Variants in KIAA0319L observed in about 807,000 individuals in gnomAD.
The protein encoded by KIAA0319L is KIAA0319 like, also known as dyslexia-associated protein KIAA0319-like protein.
Under a neutral mutation model 120.1 loss-of-function variants are expected in KIAA0319L, and 55 were observed. The ratio of observed to expected loss-of-function variants is 0.46; its 90% CI spans 0.37 to 0.57. The LOEUF is 0.57. Among genes scored for constraint, KIAA0319L ranks in the 20% least tolerant of loss-of-function variants. KIAA0319L has a pLI of 0.00. For synonymous variants in KIAA0319L, 398 were observed against 471.9 expected, an observed-to-expected ratio of 0.84 and a Z score of 2.03; for missense variants, 1,049 against 1,255.3, an observed-to-expected ratio of 0.84 and a Z score of 2.48.
At chr1:35,517,448 A>C (rs1645731458) in intron 2 of KIAA0319L, among the ~76,000 whole-genome samples, 1 of 152,204 alleles carries the variant, frequency 6.6e-6, no homozygotes, top group Non-Finnish European at 1.5e-5. Context: ...AGCTGACAAA[A>C]ACAAGCAATG....
At chr1:35,536,294 T>C (rs942259013) in intron 2 of KIAA0319L, among the ~76,000 whole-genome samples, 1 of 152,204 alleles carries the variant, frequency 6.6e-6, no homozygotes. Flanking sequence ...AACTCTAAAC[T>C]AGAAAATCCT....
At chr1:35,501,837 C>G (rs1223315119) in intron 3 of KIAA0319L, among the ~76,000 whole-genome samples, 1 of 146,450 alleles carries the variant, frequency 6.8e-6, no homozygotes, top group Non-Finnish European at 1.5e-5. Context: ...AAGATCGCAC[C>G]ATTGCACTCT....
intron 7 of KIAA0319L, among the ~76,000 whole-genome samples, chr1:35,465,891 T>C (rs1570700154): frequency 1.3e-5 from 2 of 152,198 alleles, no homozygotes; most frequent in South Asian, 2.1e-4. Flanking sequence ...TTTTTGCTTG[T>C]TGTCATCTAC....
Position 35,456,313 on chromosome 1 carries a change from A to T in KIAA0319L, c.1428-72T>A, listed in dbSNP as rs1312696672. 3.9e-6 allele frequency: 4 copies of T among 1,018,986 alleles called. No individual in the cohort carries two copies. In the Admixed American group the frequency reaches 1.0e-4, roughly 26 times the overall value. 63.1% of individuals were successfully genotyped at this position (1,018,986 alleles called of 1,614,324 possible). A position where few individuals can be genotyped will look rare whatever the true frequency, so the allele number is the denominator to read the frequency against. On this transcript the variant is annotated intron_variant, in intron 9 of 20. Coordinates refer to ENST00000325722, the MANE Select transcript of KIAA0319L (RefSeq NM_024874.5). ...AGAGGAATAAACACTAGAAGACTGA[A>T]AATTAAGGCTAAGAAATACCAATGT...
intron 4 of KIAA0319L, among the ~76,000 whole-genome samples, chr1:35,476,342 A>T (rs1558404368): frequency 6.6e-6 from 1 of 152,182 alleles, no homozygotes; most frequent in East Asian, 1.9e-4. Context: ...CGATTATATA[A>T]ATCTTATTTC....
Position 35,448,065 on chromosome 1 carries a change from G to C in KIAA0319L, c.2513+108C>G, listed in dbSNP as rs568113283. ...AGAAAAGGCAACATGAGTGTTTCTG[G>C]TCAGAAAGCCCACCTTTCTCTATCT... On this transcript the variant is annotated intron_variant, in intron 16 of 20. Transcript: ENST00000325722. The C allele has an allele frequency of 4.0e-5, 43 of 1,084,104 alleles. 1 individual carries two copies. The highest frequency in any genetic ancestry group is 5.2e-5 in the Non-Finnish European group (39 of 750,524). 67.2% of individuals were successfully genotyped at this position (1,084,104 alleles called of 1,614,324 possible). A position where few individuals can be genotyped will look rare whatever the true frequency, so the allele number is the denominator to read the frequency against.
intron 2 of KIAA0319L, among the ~76,000 whole-genome samples, chr1:35,551,257 C>T (rs1647187043): frequency 6.6e-6 from 1 of 152,086 alleles, no homozygotes; most frequent in African/African-American, 2.4e-5. Flanking sequence ...TGAGAACGAA[C>T]ATTTTAAATA....
chr1:35,524,373 G>A (rs780738498), intron 2 of KIAA0319L, among the ~76,000 whole-genome samples: 2 of 152,016 alleles, frequency 1.3e-5, no homozygotes, highest in Admixed American at 6.6e-5. Flanking sequence ...TACAATTATC[G>A]GGGTATAAAA....
At position 35,456,006 on chromosome 1, in the gene KIAA0319L, C is replaced by A; in HGVS notation, c.1656+7G>T. The A allele has an allele frequency of 6.2e-7, 1 of 1,603,894 alleles. No homozygotes were observed. Among genetic ancestry groups the A allele is most frequent in the Non-Finnish European group, 8.5e-7 (1 of 1,172,204 alleles). The stretch of plus-strand genomic sequence containing the variant: ...GGCAAGAAAAAATAGGAACCATTCC[C>A]TCCTACCTGCATCTCCACCACTTTC... On this transcript the variant is annotated splice_region_variant and intron_variant, in intron 10 of 20. Transcript: ENST00000325722.
intron 5 of KIAA0319L, among the ~76,000 whole-genome samples, chr1:35,474,005 G>GTTTTC (rs1182110892): frequency 1.3e-5 from 2 of 152,058 alleles, no homozygotes; most frequent in Non-Finnish European, 2.9e-5. Flanking sequence ...TATTACAAAA[G>GTTTTC]TTTTCTTAAA....
Position 35,453,417 on chromosome 1 carries a change from T to G in KIAA0319L, c.1913+140A>C. On this transcript the variant is annotated intron_variant, in intron 12 of 20. Transcript: ENST00000325722. This position sits in a 1 kb window ranked among gnomAD's most constrained non-coding sequence, Gnocchi z 4.1. ...AATATCATTTTCTTGGAGTTGAAGTTTGGAATTGCAAACATTTCTTCCTCA... is the reference window on the plus strand; with the variant it reads ...AATATCATTTTCTTGGAGTTGAAGTGTGGAATTGCAAACATTTCTTCCTCA... The G allele has an allele frequency of 1.4e-6, 1 of 705,370 alleles. No homozygotes were observed. Among genetic ancestry groups the G allele is most frequent in the East Asian group, 2.6e-5 (1 of 38,618 alleles). 43.7% of individuals were successfully genotyped at this position (705,370 alleles called of 1,614,324 possible). A position where few individuals can be genotyped will look rare whatever the true frequency, so the allele number is the denominator to read the frequency against.
At chr1:35,522,284 A>G (rs1235935983) in intron 2 of KIAA0319L, among the ~76,000 whole-genome samples, 3 of 152,002 alleles carry the variant, frequency 2.0e-5, no homozygotes, top group Admixed American at 6.6e-5. Flanking sequence ...TTGTTTGTTT[A>G]TTTATTTATT....
intron 3 of KIAA0319L, among the ~76,000 whole-genome samples, chr1:35,500,115 TAGAG>T (rs769307813): frequency 6.6e-6 from 1 of 152,212 alleles, no homozygotes; most frequent in Non-Finnish European, 1.5e-5. Flanking sequence ...ACGATGCTGT[TAGAG>T]AGAACAACAC....
chr1:35,445,704 G>A (rs545769954), intron 16 of KIAA0319L, among the ~76,000 whole-genome samples: 3 of 152,194 alleles, frequency 2.0e-5, no homozygotes, highest in Non-Finnish European at 4.4e-5. Flanking sequence ...GCTAACACTA[G>A]TAGGGCAGGG....
chr1:35,442,294 A>C lies in KIAA0319L; in HGVS notation c.2822T>G (p.Val941Gly). 1 of 1,614,102 alleles carries C rather than the reference A, an allele frequency of 6.2e-7. No homozygotes were observed. Among genetic ancestry groups the C allele is most frequent in the Non-Finnish European group, 8.5e-7 (1 of 1,179,924 alleles). ...CCAAGACAGGATTCCCAAGGCAACA[A>C]CAATGACAAAGGTAGCAATGATAAC... ...LYVIIATFVI[V>G]VALGILSWTV... Residue 941 changes from valine (V) to glycine (G), a missense_variant, in exon 19 of 21, where the codon GTT becomes GGT. By Grantham distance (109) the Val-to-Gly change is moderately radical. Coordinates refer to ENST00000325722, the MANE Select transcript of KIAA0319L (RefSeq NM_024874.5).
At chr1:35,451,828 G>A (rs778607976) in intron 12 of KIAA0319L, 52 bp from the exon 13 acceptor site, 4 of 1,578,100 alleles carry the variant, frequency 2.5e-6, no homozygotes, top group Non-Finnish European at 3.5e-6. Flanking sequence ...CTGCTGTCCT[G>A]TCCCTAACTT....
intron 9 of KIAA0319L, among the ~76,000 whole-genome samples, chr1:35,457,123 G>A (rs1642526857): frequency 6.6e-6 from 1 of 152,160 alleles, no homozygotes; most frequent in Non-Finnish European, 1.5e-5. Flanking sequence ...CAACCATATA[G>A]AGTAGGCATC....
rs376695320 is a variant in KIAA0319L, at chr1:35,456,273, G to T, written c.1428-32C>A. ...GGGCAGAGAGAGGAGTGTGATCAGGGACGGGTTTAAGGAAAGAGGAATAAA... is the reference window on the plus strand; with the variant it reads ...GGGCAGAGAGAGGAGTGTGATCAGGTACGGGTTTAAGGAAAGAGGAATAAA... On this transcript the variant is annotated intron_variant, in intron 9 of 20. Coordinates refer to ENST00000325722, the MANE Select transcript of KIAA0319L (RefSeq NM_024874.5). 2.8e-6 allele frequency: 4 copies of T among 1,404,970 alleles called. No individual in the cohort carries two copies. In the African/African-American group the frequency reaches 5.7e-5, roughly 20 times the overall value. The allele number at this position is 1,404,970 out of a possible 1,614,324, so 87.0% of individuals were successfully genotyped here. A position where few individuals can be genotyped will look rare whatever the true frequency, so the allele number is the denominator to read the frequency against.
chr1:35,519,514 G>T (rs1645824399), intron 2 of KIAA0319L, among the ~76,000 whole-genome samples: 4 of 152,126 alleles, frequency 2.6e-5, no homozygotes, highest in Admixed American at 1.3e-4. Context: ...CCTGTTACAT[G>T]AAATAAAAGT....
Sources: gnomAD v4.1 joint callset for allele counts (sites outside exome capture counted in the v4.1 genomes callset) on GRCh38, gnomAD v4.1.1 for gene constraint, Gnocchi (gnomAD v3.1) non-coding constraint, MANE v1.5 for transcripts, NCBI Gene and HGNC (gene_info 2026-07-23, HGNC 2026-07-21) for gene names.